MKLN1: variants seen among roughly 807,000 people sequenced by gnomAD.
MKLN1 encodes muskelin 1, also known as muskelin.
MKLN1 carries 18 observed loss-of-function variants against 99.0 expected under a neutral mutation model. That is an observed-to-expected ratio of 0.18 (90% CI 0.13 to 0.27). The LOEUF (loss-of-function observed/expected upper bound fraction) is 0.27, where lower values mean the gene tolerates loss of function less well. MKLN1 is among the 10% of genes least tolerant of loss of function. MKLN1 has a pLI of 1.00. For missense variants in MKLN1, 621 were observed against 875.9 expected (o/e 0.71, Z 3.67); for synonymous variants, 288 against 293.2 (o/e 0.98, Z 0.18).
intron 1 of MKLN1, among the ~76,000 whole-genome samples, chr7:131,118,308 C>T (rs1324426654): frequency 3.3e-5 from 5 of 152,154 alleles, no homozygotes; most frequent in African/African-American, 4.8e-5. Flanking sequence ...AATCCCAACA[C>T]TTTGGGAGGC....
At chr7:131,165,547 C>T (rs1796111813) in intron 2 of MKLN1, among the ~76,000 whole-genome samples, 1 of 152,020 alleles carries the variant, frequency 6.6e-6, no homozygotes, top group Non-Finnish European at 1.5e-5. Context: ...CAAAAATGTA[C>T]AGTAATAAAG....
At chr7:131,390,025 A>T (rs1330326304) in intron 4 of MKLN1, among the ~76,000 whole-genome samples, 2 of 152,312 alleles carry the variant, frequency 1.3e-5, no homozygotes, top group Admixed American at 1.3e-4. Flanking sequence ...CCACATTTTG[A>T]TTTGGGAGAA....
chr7:131,327,645 T>A (rs1225411530), upstream of MKLN1: 2 of 494,066 alleles, frequency 4.0e-6, no homozygotes, highest in African/African-American at 4.1e-5. Context: ...CTTTGCGCCA[T>A]TCCCCTCCAA....
At chr7:131,384,711 A>G (rs1793956921) in intron 2 of MKLN1, among the ~76,000 whole-genome samples, 1 of 152,230 alleles carries the variant, frequency 6.6e-6, no homozygotes, top group Non-Finnish European at 1.5e-5. Context: ...ATTGAGGATG[A>G]AGAGAGTAAC....
chr7:131,275,463 G>A (rs1170352769), intron 3 of MKLN1, among the ~76,000 whole-genome samples: 3 of 129,948 alleles, frequency 2.3e-5, no homozygotes, highest in Non-Finnish European at 4.8e-5. Context: ...CCACCTTCCG[G>A]GTTCAGGTGA....
At chr7:131,260,715 G>T (rs1426511273) in intron 3 of MKLN1, among the ~76,000 whole-genome samples, 1 of 152,160 alleles carries the variant, frequency 6.6e-6, no homozygotes, top group Non-Finnish European at 1.5e-5. Flanking sequence ...CATGGTACTG[G>T]TACAAAAACA....
intron 1 of MKLN1, among the ~76,000 whole-genome samples, chr7:131,337,846 T>TG (rs1393785769): frequency 6.6e-6 from 1 of 151,966 alleles, no homozygotes; most frequent in African/African-American, 2.4e-5. Context: ...AATTTTTTGA[T>TG]GGAGTGCCAG....
intron 3 of MKLN1, among the ~76,000 whole-genome samples, chr7:131,288,272 G>A (rs527644554): frequency 9.9e-4 from 150 of 152,218 alleles, no homozygotes; most frequent in African/African-American, 3.4e-3. Flanking sequence ...CTGCTTTAGC[G>A]CCATGGGTTT....
intron 3 of MKLN1, among the ~76,000 whole-genome samples, chr7:131,206,277 A>C (rs991061365): frequency 6.6e-6 from 1 of 152,166 alleles, no homozygotes; most frequent in African/African-American, 2.4e-5. Context: ...TGGAACTTAA[A>C]TTACATCTGC....
chr7:131,368,802 T>C (rs1307110475), intron 1 of MKLN1, among the ~76,000 whole-genome samples: 3 of 152,198 alleles, frequency 2.0e-5, no homozygotes, highest in Non-Finnish European at 4.4e-5. Context: ...ATGTCAACTA[T>C]TATTTTCAAC....
Position 131,132,981 on chromosome 7 carries a change from A to AAGAAAGAC in MKLN1, c.-418-9838_-418-9837insGAAAGACA, listed in dbSNP as rs200629849. On this transcript the variant is annotated intron_variant, in intron 1 of 7. Transcript: ENST00000416992. Reference sequence around the variant, plus strand: ...AAAGAAAGAAAGAAAGAAAGAAAGAAAAACCAGAGCATGACTGTGCCTTGC... The same window carrying AAGAAAGAC: ...AAAGAAAGAAAGAAAGAAAGAAAGAAAGAAAGACAAACCAGAGCATGACTGTGCCTTGC... Among the ~76,000 whole-genome samples, 1,203 of 142,212 alleles carry AAGAAAGAC rather than the reference A, an allele frequency of 8.5e-3. 31 individuals carry two copies. The highest frequency in any genetic ancestry group is 0.048 in the South Asian group (179 of 3,712). The allele number at this position is 142,212 out of a possible 152,430, so 93.3% of individuals were successfully genotyped here.
chr7:131,242,937 G>T, intron 3 of MKLN1: 1 of 653,618 alleles, frequency 1.5e-6, no homozygotes, highest in Admixed American at 1.9e-5. Flanking sequence ...AGAGGCCAAG[G>T]TCAAGTTTGA....
chr7:131,136,461 A>G (rs1429810705), intron 1 of MKLN1, among the ~76,000 whole-genome samples: 1 of 152,238 alleles, frequency 6.6e-6, no homozygotes, highest in Admixed American at 6.5e-5. Flanking sequence ...GTACAACAGT[A>G]ATGAAGTATG....
In MKLN1 at chr7:131,359,207, T is replaced by C. The variant is rs531069804; in HGVS notation, c.99-16217T>C. Among the ~76,000 whole-genome samples, 8 of 152,302 alleles carry C rather than the reference T, an allele frequency of 5.3e-5. No homozygotes were observed. The South Asian group carries it at 1.7e-3, about 32-fold the overall frequency. Reference sequence around the variant, plus strand: ...ACTGTATCCCACAAGTTTTGATGTTTTGTTCTTAGTTTCACTTTGTTCAGA... The same window carrying C: ...ACTGTATCCCACAAGTTTTGATGTTCTGTTCTTAGTTTCACTTTGTTCAGA... On this transcript the variant is annotated intron_variant, in intron 1 of 17. Coordinates refer to ENST00000352689, the MANE Select transcript of MKLN1 (RefSeq NM_013255.5).
intron 2 of MKLN1, among the ~76,000 whole-genome samples, chr7:131,144,703 T>A (rs112554466): frequency 0.02 from 3,038 of 150,992 alleles, 113 homozygotes; most frequent in African/African-American, 0.071. Flanking sequence ...GCAGGCCGGG[T>A]ACAGTGGCTC....
intron 2 of MKLN1, among the ~76,000 whole-genome samples, chr7:131,164,648 T>A (rs1041675141): frequency 6.6e-6 from 1 of 152,252 alleles, no homozygotes; most frequent in African/African-American, 2.4e-5. Context: ...AATAGCTACA[T>A]GGAAAATACA....
intron 2 of MKLN1, among the ~76,000 whole-genome samples, chr7:131,186,740 A>G (rs1047384903): frequency 2.6e-5 from 4 of 152,226 alleles, no homozygotes; most frequent in Non-Finnish European, 5.9e-5. Context: ...CAATGAAATG[A>G]CAGGATGTAA....
chr7:131,322,450 G>T (rs1482938768), intron 3 of MKLN1, among the ~76,000 whole-genome samples: 3 of 152,144 alleles, frequency 2.0e-5, no homozygotes, highest in Non-Finnish European at 2.9e-5. Context: ...CTACATGGCT[G>T]GGGAGGCCTC....
chr7:131,399,249 A>G lies in MKLN1; in HGVS notation c.519A>G (p.Glu173=). The stretch of plus-strand genomic sequence containing the variant: ...ACTCTGTGTTCTAGTAGTACCGTGA[A>G]CAGGAAGCTATTCGCCTTTGCCTAA... The part of the protein sequence containing the change: ...PCLNWYSKYR[E]QEAIRLCLKH... The change falls in exon 6 of 18, where the codon GAA becomes GAG. Residue 173 remains glutamate (E), a synonymous_variant. Transcript: ENST00000352689. The G allele has an allele frequency of 6.2e-7, 1 of 1,613,878 alleles. No homozygotes were observed. Among genetic ancestry groups the G allele is most frequent in the Non-Finnish European group, 8.5e-7 (1 of 1,179,826 alleles).
Sources: gnomAD v4.1 joint callset for allele counts (sites outside exome capture counted in the v4.1 genomes callset) on GRCh38, gnomAD v4.1.1 for gene constraint, MANE v1.5 for transcripts, NCBI Gene and HGNC (gene_info 2026-07-23, HGNC 2026-07-21) for gene names.